The following DNAJB5 variants were observed in gnomAD, a reference collection of about 807,000 sequenced individuals.
DNAJB5 encodes the protein DnaJ heat shock protein family (Hsp40) member B5, also known as dnaJ homolog subfamily B member 5.
Under a neutral mutation model 32.6 loss-of-function variants are expected in DNAJB5, and 12 were observed. That is an observed-to-expected ratio of 0.37 (90% CI 0.24 to 0.60). The LOEUF (loss-of-function observed/expected upper bound fraction) is 0.60. DNAJB5 is among the 20% of genes least tolerant of loss of function. DNAJB5 has a pLI of 0.71. For synonymous variants in DNAJB5, 188 were observed against 212.9 expected (o/e 0.88, Z 1.02); for missense variants, 358 against 554.2 (o/e 0.65, Z 3.55).
chr9:34,990,492 G>C lies in DNAJB5; in HGVS notation c.-132-7G>C. 2.6e-6 allele frequency: 4 copies of C among 1,537,576 alleles called. No homozygotes were observed. Among genetic ancestry groups the C allele is most frequent in the Non-Finnish European group, 3.5e-6 (4 of 1,146,526 alleles). ...TTCTCCCTTCACTCTCCACATTTGG[G>C]GATCAGGTCCGGCACCTGCTGCGCC... On this transcript the variant is annotated splice_region_variant and splice_polypyrimidine_tract_variant and intron_variant, in intron 1 of 4. Coordinates refer to ENST00000682809, the MANE Select transcript of DNAJB5 (RefSeq NM_001349723.3). This position sits in a 1 kb window ranked among gnomAD's most constrained non-coding sequence, Gnocchi z 4.5.
At position 34,997,122 on chromosome 9, in the gene DNAJB5, C is replaced by A. The variant is rs1827821491; in HGVS notation, c.1126C>A (p.Leu376Ile). The A allele has an allele frequency of 6.2e-7, 1 of 1,614,080 alleles. No individual in the cohort carries two copies. The highest frequency in any genetic ancestry group is 1.1e-5 in the South Asian group (1 of 91,088). Residue 376 changes from leucine (L) to isoleucine (I), a missense_variant, in exon 5 of 5, where the codon CTC becomes ATC. Leu to Ile is a conservative substitution (Grantham distance 5, BLOSUM62 2). Around this residue, in one of 2 missense-constraint regions of DNAJB5, gnomAD observed 248 missense variants for 442.6 expected, o/e 0.56. Coordinates refer to ENST00000682809, the MANE Select transcript of DNAJB5 (RefSeq NM_001349723.3). The surrounding 1 kb of genome is among the most constrained non-coding windows in gnomAD (Gnocchi z 4.1). ...CATCAAGCCAGGCACCGTGAAGAGA[C>A]TCCGTGGGGAGGGCCTTCCCTTCCC... ...DVIKPGTVKR[L>I]RGEGLPFPKV...
chr9:34,997,328 C>T lies in DNAJB5; in HGVS notation c.*69C>T. On this transcript the variant is annotated 3_prime_UTR_variant, in exon 5 of 5. Transcript: ENST00000682809. The surrounding 1 kb of genome is among the most constrained non-coding windows in gnomAD (Gnocchi z 4.1). ...AACACTCACTCCACTCAATGTGCAC[C>T]CAGCTTGATGTCCACTGGACACTGG... The T allele has an allele frequency of 6.7e-7, 1 of 1,494,934 alleles. No individual in the cohort carries two copies. The highest frequency in any genetic ancestry group is 1.1e-5 in the South Asian group (1 of 88,488). 92.6% of individuals were successfully genotyped at this position (1,494,934 alleles called of 1,614,324 possible). A position where few individuals can be genotyped will look rare whatever the true frequency, so the allele number is the denominator to read the frequency against.
In DNAJB5 at chr9:34,997,087, G is replaced by A; in HGVS notation, c.1091G>A (p.Cys364Tyr). 6.2e-7 allele frequency: 1 copy of A among 1,614,154 alleles called. No individual in the cohort carries two copies. The highest frequency in any genetic ancestry group is 8.5e-7 in the Non-Finnish European group (1 of 1,180,052). The change falls in exon 5 of 5, where the codon TGC becomes TAC. Residue 364 changes from cysteine to tyrosine, a missense_variant. Coordinates refer to ENST00000682809, the MANE Select transcript of DNAJB5 (RefSeq NM_001349723.3). This position sits in a 1 kb window ranked among gnomAD's most constrained non-coding sequence, Gnocchi z 4.1. ...TIDGRVIPLP[C>Y]NDVIKPGTVK... ...GACGGCCGAGTGATCCCTTTGCCCT[G>A]CAATGATGTCATCAAGCCAGGCACC...
At position 34,992,945 on chromosome 9, in the gene DNAJB5, G is replaced by A. The variant is rs1827694422; in HGVS notation, c.183-255G>A. 4 of 1,337,442 alleles carry A rather than the reference G, an allele frequency of 3.0e-6. No homozygotes were observed. The Admixed American group carries it at 1.0e-4, about 34-fold the overall frequency. 82.8% of individuals were successfully genotyped at this position (1,337,442 alleles called of 1,614,324 possible). A position where few individuals can be genotyped will look rare whatever the true frequency, so the allele number is the denominator to read the frequency against. On this transcript the variant is annotated intron_variant, in intron 2 of 4. Coordinates refer to ENST00000682809, the MANE Select transcript of DNAJB5 (RefSeq NM_001349723.3). The stretch of plus-strand genomic sequence containing the variant: ...CCAGGGCCTCAGCCTAGCCCCAAGA[G>A]TGGGCCACAACCTTCAGCTTCCTGC...
chr9:34,990,163 C>T lies in DNAJB5; in HGVS notation c.-133+332C>T. 1.0e-6 allele frequency: 1 copy of T among 984,202 alleles called. No homozygotes were observed. Among genetic ancestry groups the T allele is most frequent in the Non-Finnish European group, 1.4e-6 (1 of 716,180 alleles). 61.0% of individuals were successfully genotyped at this position (984,202 alleles called of 1,614,324 possible). ...ACCCTCCCCCGCCCGAGCCCCCTCCCCTCCTCTCCTCGCCGCGCCTTTTGT... is the reference window on the plus strand; with the variant it reads ...ACCCTCCCCCGCCCGAGCCCCCTCCTCTCCTCTCCTCGCCGCGCCTTTTGT... On this transcript the variant is annotated intron_variant, in intron 1 of 4. Coordinates refer to ENST00000682809, the MANE Select transcript of DNAJB5 (RefSeq NM_001349723.3). The surrounding 1 kb of genome is among the most constrained non-coding windows in gnomAD (Gnocchi z 4.5).
chr9:34,989,863 C>T (rs1181380575), intron 1 of DNAJB5, 32 bp downstream of exon 1: 6 of 1,237,126 alleles, frequency 4.8e-6, no homozygotes, highest in African/African-American at 1.6e-5. Flanking sequence ...TCGGGGGTCC[C>T]GGGAGCGGGG....
rs1418101328 is a variant in DNAJB5 at position 34,990,515 on chromosome 9, G to T, written c.-116G>T. 2 of 1,541,644 alleles carry T rather than the reference G, an allele frequency of 1.3e-6. No individual in the cohort carries two copies. The highest frequency in any genetic ancestry group is 2.4e-5 in the East Asian group (1 of 40,914). ...GGGGATCAGGTCCGGCACCTGCTGCGCCAGACAGGCCTTGCTGGGCACGCG... is the reference window on the plus strand; with the variant it reads ...GGGGATCAGGTCCGGCACCTGCTGCTCCAGACAGGCCTTGCTGGGCACGCG... On this transcript the variant is annotated 5_prime_UTR_variant, in exon 2 of 5. Coordinates refer to ENST00000682809, the MANE Select transcript of DNAJB5 (RefSeq NM_001349723.3). The surrounding 1 kb of genome is among the most constrained non-coding windows in gnomAD (Gnocchi z 4.5).
chr9:34,991,622 C>CG lies in DNAJB5; in HGVS notation c.182+810_182+811insG, dbSNP rs200187296. On this transcript the variant is annotated intron_variant, in intron 2 of 4. Coordinates refer to ENST00000682809, the MANE Select transcript of DNAJB5 (RefSeq NM_001349723.3). ...AGGCAGAAATGGCAGACCACCCCCC[C>CG]CCGCTCCCTCTCAGACGGCTTTTGC... is the stretch of plus-strand genomic sequence containing the variant. The CG allele has an allele frequency of 3.6e-4, 70 of 194,558 alleles. 2 individuals carry two copies. Among genetic ancestry groups the CG allele is most frequent in the Middle Eastern group, 2.1e-3 (1 of 484 alleles). 12.1% of individuals were successfully genotyped at this position (194,558 alleles called of 1,614,324 possible).
chr9:34,996,194 A>G lies in DNAJB5; in HGVS notation c.428-71A>G. The G allele has an allele frequency of 6.5e-7, 1 of 1,540,556 alleles. No individual in the cohort carries two copies. Among genetic ancestry groups the G allele is most frequent in the Non-Finnish European group, 8.7e-7 (1 of 1,145,570 alleles). ...TTTAAGCCTGTGAACTGGGAGCTAG[A>G]GGGCAGGGGGAAGACACTGGGATTG... On this transcript the variant is annotated intron_variant, in intron 3 of 4. Coordinates refer to ENST00000682809, the MANE Select transcript of DNAJB5 (RefSeq NM_001349723.3). This position sits in a 1 kb window ranked among gnomAD's most constrained non-coding sequence, Gnocchi z 7.2.
In DNAJB5 at chr9:34,990,411, C is replaced by T; in HGVS notation, c.-132-88C>T. ...CCAGCCTCACTGACACGCTGCCATA[C>T]AGCCGCTCACAGCCAGCCAGACACT... On this transcript the variant is annotated intron_variant, in intron 1 of 4. Transcript: ENST00000682809. The surrounding 1 kb of genome is among the most constrained non-coding windows in gnomAD (Gnocchi z 4.5). 1 of 1,529,498 alleles carries T rather than the reference C, an allele frequency of 6.5e-7. No individual in the cohort carries two copies. Among genetic ancestry groups the T allele is most frequent in the Non-Finnish European group, 8.7e-7 (1 of 1,143,238 alleles). The allele number at this position is 1,529,498 out of a possible 1,614,324, so 94.7% of individuals were successfully genotyped here.
At chr9:34,989,908 T>C in intron 1 of DNAJB5, 77 bp downstream of exon 1, 1 of 1,246,180 alleles carries the variant, frequency 8.0e-7, no homozygotes. Context: ...GTTGGGGGGT[T>C]GGGACACTGA....
Position 34,990,279 on chromosome 9 carries a change from G to C in DNAJB5, c.-132-220G>C. 2.9e-6 allele frequency: 4 copies of C among 1,385,272 alleles called. No individual in the cohort carries two copies. The highest frequency in any genetic ancestry group is 1.4e-5 in the African/African-American group (1 of 69,780). The allele number at this position is 1,385,272 out of a possible 1,614,324, so 85.8% of individuals were successfully genotyped here. On this transcript the variant is annotated intron_variant, in intron 1 of 4. Transcript: ENST00000682809. The surrounding 1 kb of genome is among the most constrained non-coding windows in gnomAD (Gnocchi z 4.5). Reference sequence around the variant, plus strand: ...GAGTAGGTTCTTGGGGATTGGGGTCGGGTCCTCCCCAGTGAGAGGCGACAG... The same window carrying C: ...GAGTAGGTTCTTGGGGATTGGGGTCCGGTCCTCCCCAGTGAGAGGCGACAG...
At position 34,993,549 on chromosome 9, in the gene DNAJB5, G is replaced by C; in HGVS notation, c.427+105G>C. 6.9e-7 allele frequency: 1 copy of C among 1,447,306 alleles called. No homozygotes were observed. Among genetic ancestry groups the C allele is most frequent in the Non-Finnish European group, 9.3e-7 (1 of 1,078,178 alleles). 89.7% of individuals were successfully genotyped at this position (1,447,306 alleles called of 1,614,324 possible). A position where few individuals can be genotyped will look rare whatever the true frequency, so the allele number is the denominator to read the frequency against. On this transcript the variant is annotated intron_variant, in intron 3 of 4. Transcript: ENST00000682809. The surrounding 1 kb of genome is among the most constrained non-coding windows in gnomAD (Gnocchi z 4.7). Reference sequence around the variant, plus strand: ...GAACTGGAGGCTGTGGAGGGGGTGAGGGCAGCAAGGGTTTCCAGCACTGTC... The same window carrying C: ...GAACTGGAGGCTGTGGAGGGGGTGACGGCAGCAAGGGTTTCCAGCACTGTC...
rs1587494702 is a variant in DNAJB5, at chr9:34,990,877, C to T, written c.182+65C>T. On this transcript the variant is annotated intron_variant, in intron 2 of 4. Transcript: ENST00000682809. The surrounding 1 kb of genome is among the most constrained non-coding windows in gnomAD (Gnocchi z 4.5). ...GTCAAACCCTCCACGCGGCCATCCC[C>T]TCCATTGCCTTCCTGCTTCCTCCAA... 4 of 1,468,808 alleles carry T rather than the reference C, an allele frequency of 2.7e-6. No homozygotes were observed. Among genetic ancestry groups the T allele is most frequent in the East Asian group, 2.5e-5 (1 of 40,478 alleles). 91.0% of individuals were successfully genotyped at this position (1,468,808 alleles called of 1,614,324 possible).
At position 34,990,185 on chromosome 9, in the gene DNAJB5, T is replaced by C; in HGVS notation, c.-132-314T>C. On this transcript the variant is annotated intron_variant, in intron 1 of 4. Transcript: ENST00000682809. This position sits in a 1 kb window ranked among gnomAD's most constrained non-coding sequence, Gnocchi z 4.5. ...TCCCCTCCTCTCCTCGCCGCGCCTTTTGTCCCGGCCGAGCTCCGCTCTGCC... is the reference window on the plus strand; with the variant it reads ...TCCCCTCCTCTCCTCGCCGCGCCTTCTGTCCCGGCCGAGCTCCGCTCTGCC... 3 of 1,205,658 alleles carry C rather than the reference T, an allele frequency of 2.5e-6. No homozygotes were observed. The highest frequency in any genetic ancestry group is 3.2e-6 in the Non-Finnish European group (3 of 925,338). 74.7% of individuals were successfully genotyped at this position (1,205,658 alleles called of 1,614,324 possible).
chr9:34,990,689 G>A lies in DNAJB5; in HGVS notation c.59G>A (p.Arg20Gln), dbSNP rs761856634. The A allele has an allele frequency of 3.3e-5, 51 of 1,551,606 alleles. 3 individuals are homozygous for A. The South Asian group carries it at 5.0e-4, about 15-fold the overall frequency. ...PPPAAPPLQARGAFRSFPHSW... is the reference protein window; with the variant it reads ...PPPAAPPLQAQGAFRSFPHSW... ...CCAGCAGCACCCCCACTGCAGGCCC[G>A]AGGAGCTTTCCGGAGCTTCCCACAC... The change falls in exon 2 of 5, where the codon CGA (arginine) becomes CAA (glutamine). Residue 20 changes from arginine (R) to glutamine (Q), a missense_variant. Coordinates refer to ENST00000682809, the MANE Select transcript of DNAJB5 (RefSeq NM_001349723.3). This position sits in a 1 kb window ranked among gnomAD's most constrained non-coding sequence, Gnocchi z 4.5.
In DNAJB5 at chr9:34,993,542, G is replaced by T; in HGVS notation, c.427+98G>T. ...TAGCGGGGAACTGGAGGCTGTGGAG[G>T]GGGTGAGGGCAGCAAGGGTTTCCAG... On this transcript the variant is annotated intron_variant, in intron 3 of 4. Coordinates refer to ENST00000682809, the MANE Select transcript of DNAJB5 (RefSeq NM_001349723.3). This position sits in a 1 kb window ranked among gnomAD's most constrained non-coding sequence, Gnocchi z 4.7. 1 of 1,492,826 alleles carries T rather than the reference G, an allele frequency of 6.7e-7. No individual in the cohort carries two copies. The highest frequency in any genetic ancestry group is 9.0e-7 in the Non-Finnish European group (1 of 1,114,670). The allele number at this position is 1,492,826 out of a possible 1,614,324, so 92.5% of individuals were successfully genotyped here. A position where few individuals can be genotyped will look rare whatever the true frequency, so the allele number is the denominator to read the frequency against.
rs778096957 is a variant in DNAJB5, at chr9:34,996,581, G to A, written c.744G>A (p.Arg248=). The A allele has an allele frequency of 1.9e-6, 3 of 1,614,042 alleles. No individual in the cohort carries two copies. Among genetic ancestry groups the A allele is most frequent in the Admixed American group, 3.3e-5 (2 of 60,014 alleles). ...ACCCCCCAGTGGTGCACGAGCTGCG[G>A]GTGTCCCTGGAGGAGATCTACCATG... ...VQDPPVVHEL[R]VSLEEIYHGS... is the part of the protein sequence containing the mutation. Residue 248 remains arginine (R), a synonymous_variant, in exon 4 of 5, where the codon CGG becomes CGA. Coordinates refer to ENST00000682809, the MANE Select transcript of DNAJB5 (RefSeq NM_001349723.3). This position sits in a 1 kb window ranked among gnomAD's most constrained non-coding sequence, Gnocchi z 7.2.
At position 34,990,871 on chromosome 9, in the gene DNAJB5, C is replaced by T; in HGVS notation, c.182+59C>T. ...TACCCAGTCAAACCCTCCACGCGGC[C>T]ATCCCCTCCATTGCCTTCCTGCTTC... On this transcript the variant is annotated intron_variant, in intron 2 of 4. Transcript: ENST00000682809. The surrounding 1 kb of genome is among the most constrained non-coding windows in gnomAD (Gnocchi z 4.5). 1 of 1,485,006 alleles carries T rather than the reference C, an allele frequency of 6.7e-7. No individual in the cohort carries two copies. The highest frequency in any genetic ancestry group is 9.0e-7 in the Non-Finnish European group (1 of 1,109,938). The allele number at this position is 1,485,006 out of a possible 1,614,324, so 92.0% of individuals were successfully genotyped here.
Sources: allele counts gnomAD v4.1 joint callset, GRCh38; gene constraint gnomAD v4.1.1; regional missense constraint gnomAD v4.1.1; non-coding constraint Gnocchi (gnomAD v3.1); transcripts MANE v1.5; gene names NCBI Gene and HGNC (gene_info 2026-07-23, HGNC 2026-07-21).